The following MAST4 variants were observed in gnomAD, a reference collection of about 807,000 sequenced individuals.
The protein encoded by MAST4 is microtubule-associated serine/threonine-protein kinase 4.
In MAST4, 89 loss-of-function variants were observed where a neutral mutation model predicts 162.7. That is an observed-to-expected ratio of 0.55 (90% CI 0.46 to 0.65). MAST4 has a LOEUF of 0.65. MAST4 is among the 30% of genes least tolerant of loss of function. MAST4 has a pLI of 0.00. For missense variants in MAST4, 3,153 were observed against 3,374.0 expected (o/e 0.93, Z 1.62); for synonymous variants, 1,479 against 1,361.1 (o/e 1.09, Z -1.91).
At chr5:66,779,226 T>C (rs1390880425) in intron 2 of MAST4, among the ~76,000 whole-genome samples, 1 of 152,214 alleles carries the variant, frequency 6.6e-6, no homozygotes, top group Non-Finnish European at 1.5e-5. Context: ...CCTCTTGGCA[T>C]CACCCTACTC....
intron 1 of MAST4, among the ~76,000 whole-genome samples, chr5:66,648,108 T>G: frequency 6.8e-6 from 1 of 146,732 alleles, no homozygotes; most frequent in African/African-American, 2.6e-5. Flanking sequence ...GAGAGAGATT[T>G]AGTATTTCCT....
chr5:67,146,327 A>G (rs913354600), intron 23 of MAST4, among the ~76,000 whole-genome samples: 4 of 152,230 alleles, frequency 2.6e-5, no homozygotes, highest in African/African-American at 9.6e-5. Flanking sequence ...TCCTCACTAG[A>G]TATTCAAACT....
At chr5:66,648,168 A>AT (rs946568748) in intron 1 of MAST4, among the ~76,000 whole-genome samples, 23 of 133,958 alleles carry the variant, frequency 1.7e-4, no homozygotes, top group African/African-American at 5.4e-4. Context: ...CATAATATAT[A>AT]AAAAAAAATC....
rs1461171942 is a variant in MAST4, at chr5:67,167,129, C to G, written c.*78C>G. The stretch of plus-strand genomic sequence containing the variant: ...TGTCTTGACTACCTTTCAAAACCAG[C>G]ACTGTGTGGGAATGTCCGCCAGGCA... On this transcript the variant is annotated 3_prime_UTR_variant, in exon 29 of 29. Coordinates refer to ENST00000403625, the MANE Select transcript of MAST4 (RefSeq NM_001164664.2). 9 of 1,315,974 alleles carry G rather than the reference C, an allele frequency of 6.8e-6. No individual in the cohort carries two copies. In the South Asian group the frequency reaches 1.3e-4, roughly 19 times the overall value. The allele number at this position is 1,315,974 out of a possible 1,614,324, so 81.5% of individuals were successfully genotyped here. A position where few individuals can be genotyped will look rare whatever the true frequency, so the allele number is the denominator to read the frequency against.
At chr5:66,780,503 C>T (rs1033522734) in intron 2 of MAST4, among the ~76,000 whole-genome samples, 19 of 152,260 alleles carry the variant, frequency 1.2e-4, no homozygotes, top group East Asian at 1.9e-4. Context: ...AATGAAGCTG[C>T]GGACCTTCGT....
At chr5:66,982,989 G>A (rs1427412529) in intron 4 of MAST4, among the ~76,000 whole-genome samples, 1 of 152,204 alleles carries the variant, frequency 6.6e-6, no homozygotes, top group Non-Finnish European at 1.5e-5. Flanking sequence ...CATCAGGAGA[G>A]TTATAGCTTT....
At chr5:66,884,339 C>T (rs1210168729) in intron 3 of MAST4, among the ~76,000 whole-genome samples, 1 of 152,110 alleles carries the variant, frequency 6.6e-6, no homozygotes, top group African/African-American at 2.4e-5. Flanking sequence ...AACCTTTTAG[C>T]AAAGGAACCT....
intron 4 of MAST4, among the ~76,000 whole-genome samples, chr5:66,903,139 G>T (rs1763116654): frequency 6.6e-6 from 1 of 152,098 alleles, no homozygotes; most frequent in Non-Finnish European, 1.5e-5. Flanking sequence ...GGCATTTACA[G>T]TAAAGGTGTA....
intron 4 of MAST4, among the ~76,000 whole-genome samples, chr5:66,982,271 T>C (rs560688281): frequency 3.3e-5 from 5 of 152,256 alleles, no homozygotes; most frequent in Admixed American, 6.5e-5. Context: ...TTTGAGAGTG[T>C]GTGCTTTCTT....
At chr5:67,127,224 T>C (rs1247935577) in intron 14 of MAST4, among the ~76,000 whole-genome samples, 2 of 152,204 alleles carry the variant, frequency 1.3e-5, no homozygotes. Context: ...ATACAATTTA[T>C]TTCTTTCTCT....
chr5:67,128,423 TA>T (rs1466069994), intron 14 of MAST4, among the ~76,000 whole-genome samples: 6 of 152,116 alleles, frequency 3.9e-5, no homozygotes, highest in African/African-American at 1.4e-4. Context: ...GAGAGTTTTT[TA>T]CTGTACAGTG....
intron 1 of MAST4, among the ~76,000 whole-genome samples, chr5:66,635,259 A>G (rs1412040928): frequency 2.0e-5 from 3 of 152,098 alleles, no homozygotes; most frequent in African/African-American, 7.2e-5. Flanking sequence ...GGAAGTTTCT[A>G]TCGGCAGTTA....
intron 5 of MAST4, among the ~76,000 whole-genome samples, chr5:67,063,349 G>A (rs1759856992): frequency 6.6e-6 from 1 of 152,178 alleles, no homozygotes; most frequent in Admixed American, 6.5e-5. Flanking sequence ...AACATCATTA[G>A]TCTTTGTTAA....
intron 1 of MAST4, among the ~76,000 whole-genome samples, chr5:66,743,746 T>G (rs1294470754): frequency 1.3e-5 from 2 of 152,196 alleles, no homozygotes; most frequent in Admixed American, 6.5e-5. Context: ...GTAAGACGGA[T>G]CTATGCTGTG....
At chr5:66,652,846 G>C (rs1014906471) in intron 1 of MAST4, among the ~76,000 whole-genome samples, 5 of 152,118 alleles carry the variant, frequency 3.3e-5, no homozygotes, top group Admixed American at 3.3e-4. Context: ...AAAAAAATTT[G>C]TTTGCTCTCT....
At chr5:66,907,625 TGTG>T in intron 4 of MAST4, among the ~76,000 whole-genome samples, 1 of 151,594 alleles carries the variant, frequency 6.6e-6, no homozygotes, top group East Asian at 1.9e-4. Context: ...TGTGTGTGTG[TGTG>T]TGTGTGTGTA....
intron 4 of MAST4, among the ~76,000 whole-genome samples, chr5:66,919,059 C>T (rs1310326689): frequency 2.0e-5 from 3 of 150,878 alleles, no homozygotes; most frequent in Non-Finnish European, 3.0e-5. Flanking sequence ...GCCAAGATCA[C>T]ACCACTGCAC....
intron 1 of MAST4, among the ~76,000 whole-genome samples, chr5:66,673,357 CCTTT>C (rs1473189032): frequency 1.3e-5 from 2 of 151,876 alleles, no homozygotes; most frequent in African/African-American, 4.8e-5. Context: ...TTACCTGTCT[CCTTT>C]CTTCTTTTGT....
At chr5:66,925,434 A>G (rs734828) in intron 4 of MAST4, among the ~76,000 whole-genome samples, 22,818 of 152,194 alleles carry the variant, frequency 0.15, 2,252 homozygotes, top group African/African-American at 0.27. Flanking sequence ...TCTAAACAAC[A>G]CATTTAATAG....
Sources: allele counts gnomAD v4.1 joint callset (sites outside exome capture counted in the v4.1 genomes callset), GRCh38; gene constraint gnomAD v4.1.1; transcripts MANE v1.5; gene names NCBI Gene and HGNC (gene_info 2026-07-23, HGNC 2026-07-21).